Variants in XRRA1 observed in about 807,000 individuals in gnomAD.
The protein encoded by XRRA1 is X-ray radiation resistance-associated protein 1.
A neutral mutation model predicts 80.2 loss-of-function variants in XRRA1; 69 were observed. The ratio of observed to expected loss-of-function variants is 0.86; its 90% CI spans 0.71 to 1.05. The LOEUF (loss-of-function observed/expected upper bound fraction) is 1.05, where lower values mean the gene tolerates loss of function less well. Among genes scored for constraint, XRRA1 ranks in the 50% least tolerant of loss-of-function variants. The pLI, the probability that XRRA1 is intolerant of heterozygous loss-of-function variation, is 0.00. For synonymous variants in XRRA1, 348 were observed against 389.9 expected (o/e 0.89, Z 1.27); for missense variants, 967 against 976.4 (o/e 0.99, Z 0.13).
chr11:74,865,761 T>G (rs776740511), intron 10 of XRRA1, among the ~76,000 whole-genome samples: 3 of 152,228 alleles, frequency 2.0e-5, no homozygotes, highest in Non-Finnish European at 4.4e-5. Context: ...AGAGACCTGC[T>G]GGGAGGAACA....
intron 10 of XRRA1, among the ~76,000 whole-genome samples, chr11:74,875,213 T>C (rs922044174): frequency 1.3e-5 from 2 of 152,156 alleles, no homozygotes; most frequent in Non-Finnish European, 2.9e-5. Flanking sequence ...AGGGAGCAGA[T>C]GAAGTAGCCT....
intron 12 of XRRA1, among the ~76,000 whole-genome samples, chr11:74,857,855 C>A (rs977475997): frequency 8.5e-5 from 13 of 152,078 alleles, no homozygotes; most frequent in Admixed American, 7.2e-4. Flanking sequence ...TTATAAATAA[C>A]CTGTGGATCA....
chr11:74,859,973 C>G (rs1343705577), intron 11 of XRRA1, among the ~76,000 whole-genome samples: 7 of 152,060 alleles, frequency 4.6e-5, no homozygotes, highest in African/African-American at 1.7e-4. Flanking sequence ...TAACTCAGTA[C>G]ACTCACTGAT....
At chr11:74,882,679 TGG>T (rs1027654548) in intron 10 of XRRA1, among the ~76,000 whole-genome samples, 79 of 151,860 alleles carry the variant, frequency 5.2e-4, no homozygotes, top group African/African-American at 1.7e-3. Context: ...GATGTACAGA[TGG>T]GTTTTTGGTG....
chr11:74,934,278 C>G lies in XRRA1; in HGVS notation c.280-406G>C, dbSNP rs541690034. Among the ~76,000 whole-genome samples the G allele has an allele frequency of 1.5e-3, 234 of 152,264 alleles. 1 individual carries two copies. The highest frequency in any genetic ancestry group is 1.9e-3 in the Non-Finnish European group (126 of 68,024). ...TGCACTTTTGACTGCCATATGTCACCCGACATAATTTAAAAGTTAGAGGTA... is the reference window on the plus strand; with the variant it reads ...TGCACTTTTGACTGCCATATGTCACGCGACATAATTTAAAAGTTAGAGGTA... On this transcript the variant is annotated intron_variant, in intron 4 of 18. Coordinates refer to ENST00000684022, the MANE Select transcript of XRRA1 (RefSeq NM_001378157.1).
In XRRA1 at chr11:74,848,143, T is replaced by C. The variant is rs745752535; in HGVS notation, c.1700A>G (p.Lys567Arg). 3.0e-5 allele frequency: 49 copies of C among 1,612,152 alleles called. No homozygotes were observed. In the Admixed American group the frequency reaches 5.7e-4, roughly 19 times the overall value. ...GGTCAGGAAGATGGACTCTGTGCTC[T>C]TGGAGTCCTCATCTGATGGGCGCTC... ...SPERPSDEDS[K>R]STESIFLTQV... The change falls in exon 15 of 19, where the codon AAG becomes AGG. Residue 567 changes from lysine to arginine, a missense_variant. Physicochemically the swap from Lys to Arg is conservative, Grantham distance 26. Coordinates refer to ENST00000684022, the MANE Select transcript of XRRA1 (RefSeq NM_001378157.1).
intron 12 of XRRA1, among the ~76,000 whole-genome samples, chr11:74,858,584 T>C (rs187417199): frequency 1.7e-3 from 265 of 152,276 alleles, no homozygotes; most frequent in African/African-American, 6.1e-3. Flanking sequence ...GACATGAACA[T>C]TGGAAAAACA....
At position 74,907,180 on chromosome 11, in the gene XRRA1, G is replaced by GT. The variant is rs761271491; in HGVS notation, c.749dup (p.Asn250LysfsTer21). ...CAGCCAGGCTGGCAAAGCAACTGGG[G>GT]TTGGAGAGTCTGTTGTCATCCAGCA... On this transcript the variant is annotated frameshift_variant, in exon 9 of 19. Transcript: ENST00000684022. LOFTEE classifies it high-confidence loss of function. The GT allele has an allele frequency of 6.2e-6, 10 of 1,613,870 alleles. No homozygotes were observed. The highest frequency in any genetic ancestry group is 1.7e-5 in the Admixed American group (1 of 60,012).
chr11:74,863,496 T>C (rs985749194), intron 10 of XRRA1: 2 of 159,762 alleles, frequency 1.3e-5, no homozygotes, highest in African/African-American at 4.8e-5. Context: ...CTTATATTAG[T>C]AGAAACAGAA....
chr11:74,908,226 T>C (rs1466407581), intron 8 of XRRA1, among the ~76,000 whole-genome samples: 2 of 152,230 alleles, frequency 1.3e-5, no homozygotes, highest in Non-Finnish European at 2.9e-5. Flanking sequence ...TATCCAAGGA[T>C]AGGTATTATT....
chr11:74,894,168 C>T (rs1413921235), intron 10 of XRRA1, among the ~76,000 whole-genome samples: 1 of 152,124 alleles, frequency 6.6e-6, no homozygotes, highest in Non-Finnish European at 1.5e-5. Context: ...GAATAGAAAA[C>T]CAAGTACTGA....
chr11:74,943,652 A>G (rs1053758071), intron 2 of XRRA1, among the ~76,000 whole-genome samples: 6 of 151,548 alleles, frequency 4.0e-5, no homozygotes, highest in African/African-American at 1.5e-4. Context: ...GCAGAAACCT[A>G]AGTCACTGTT....
At chr11:74,886,758 AG>A (rs2049133831) in intron 10 of XRRA1, among the ~76,000 whole-genome samples, 1 of 152,244 alleles carries the variant, frequency 6.6e-6, no homozygotes, top group East Asian at 1.9e-4. Flanking sequence ...TGAATAGCCA[AG>A]GAAGTCCTAA....
intron 10 of XRRA1, among the ~76,000 whole-genome samples, chr11:74,877,407 T>A (rs1202025655): frequency 6.6e-6 from 1 of 152,220 alleles, no homozygotes; most frequent in Non-Finnish European, 1.5e-5. Flanking sequence ...TATCAAACTC[T>A]ACTGTCATGG....
intron 10 of XRRA1, among the ~76,000 whole-genome samples, chr11:74,886,083 A>G (rs961861969): frequency 6.6e-6 from 1 of 152,244 alleles, no homozygotes; most frequent in Non-Finnish European, 1.5e-5. Context: ...AGAGCCATCT[A>G]TGAGAAACCC....
chr11:74,929,614 A>G (rs1943051337), intron 6 of XRRA1, among the ~76,000 whole-genome samples: 1 of 152,178 alleles, frequency 6.6e-6, no homozygotes, highest in Non-Finnish European at 1.5e-5. Context: ...TGATCAGACA[A>G]TGCCATTCCA....
intron 10 of XRRA1, among the ~76,000 whole-genome samples, chr11:74,883,485 G>GC (rs1271577025): frequency 6.6e-6 from 1 of 151,998 alleles, no homozygotes; most frequent in African/African-American, 2.4e-5. Flanking sequence ...TGTCGCTCAC[G>GC]CTGGGAGCTG....
At chr11:74,869,217 G>A (rs1320091209) in intron 10 of XRRA1, among the ~76,000 whole-genome samples, 3 of 152,010 alleles carry the variant, frequency 2.0e-5, no homozygotes, top group African/African-American at 7.2e-5. Context: ...TAATTACATT[G>A]AAATAAACCT....
At chr11:74,897,717 A>G (rs533228959) in intron 10 of XRRA1, among the ~76,000 whole-genome samples, 1 of 150,972 alleles carries the variant, frequency 6.6e-6, no homozygotes, top group African/African-American at 2.4e-5. Context: ...AAAAAAAAAA[A>G]AAAAAGAAAA....
Sources: gnomAD v4.1 joint callset for allele counts (sites outside exome capture counted in the v4.1 genomes callset) on GRCh38, gnomAD v4.1.1 for gene constraint, MANE v1.5 for transcripts, NCBI Gene and HGNC (gene_info 2026-07-23, HGNC 2026-07-21) for gene names.